The following OSBPL10 variants were observed in gnomAD, a reference collection of about 807,000 sequenced individuals.
The protein encoded by OSBPL10 is oxysterol-binding protein-related protein 10.
OSBPL10 carries 49 observed loss-of-function variants against 81.7 expected under a neutral mutation model. The observed-to-expected ratio is 0.60, with a 90% CI of 0.48 to 0.76. OSBPL10 has a LOEUF of 0.76. Ranked by LOEUF, OSBPL10 falls within the 30% of genes least tolerant of loss-of-function variation. The pLI, the probability that OSBPL10 is intolerant of heterozygous loss-of-function variation, is 0.00. For synonymous variants in OSBPL10, 419 were observed against 383.6 expected (o/e 1.09, Z -1.08); for missense variants, 923 against 987.8 (o/e 0.93, Z 0.88).
rs183656199 is a variant in OSBPL10 at position 31,867,222 on chromosome 3, C to T, written c.537+9211G>A. On this transcript the variant is annotated intron_variant, in intron 3 of 11. Coordinates refer to ENST00000396556, the MANE Select transcript of OSBPL10 (RefSeq NM_017784.5). ...GATGGGAAACCAGGTCATTAGTAAG[C>T]GCCAGGAGAGAGTCAGGCCTGGGGT... Among the ~76,000 whole-genome samples, 15 of 152,204 alleles carry T rather than the reference C, an allele frequency of 9.9e-5. 1 individual carries two copies. The East Asian group carries it at 2.3e-3, about 24-fold the overall frequency.
chr3:31,796,993 A>T (rs1294377604), intron 4 of OSBPL10, among the ~76,000 whole-genome samples: 135 of 123,596 alleles, frequency 1.1e-3, no homozygotes, highest in Admixed American at 1.6e-3. Flanking sequence ...ATTTTTATTA[A>T]TTTTTTTTTT....
chr3:31,859,810 AC>A (rs1388437731), intron 3 of OSBPL10, among the ~76,000 whole-genome samples: 1 of 152,200 alleles, frequency 6.6e-6, no homozygotes, highest in Non-Finnish European at 1.5e-5. Flanking sequence ...CTTGAGGAAT[AC>A]ACAATTCATT....
intron 6 of OSBPL10, among the ~76,000 whole-genome samples, chr3:31,710,005 T>G (rs1332096798): frequency 2.0e-5 from 3 of 152,174 alleles, no homozygotes. Flanking sequence ...CACAGGAAGC[T>G]CATGAGTATT....
rs768794031 is a variant in OSBPL10 at position 31,830,129 on chromosome 3, C to T, written c.640G>A (p.Gly214Ser). The change falls in exon 4 of 12, where the codon GGT (glycine) becomes AGT (serine). Residue 214 changes from glycine (G) to serine (S), a missense_variant. Coordinates refer to ENST00000396556, the MANE Select transcript of OSBPL10 (RefSeq NM_017784.5). ...TTGTGATGCGTGATTGTGACAACAC[C>T]GGGGGCCCCCACACTGAGGTGTCTC... is the stretch of plus-strand genomic sequence containing the variant. ...SQRHLSVGAP[G>S]VVTITHHKSP... 3.7e-6 allele frequency: 6 copies of T among 1,614,076 alleles called. No homozygotes were observed. The highest frequency in any genetic ancestry group is 2.2e-5 in the East Asian group (1 of 44,864).
At chr3:31,856,806 T>G (rs372775287) in intron 3 of OSBPL10, among the ~76,000 whole-genome samples, 96 of 152,328 alleles carry the variant, frequency 6.3e-4, no homozygotes, top group African/African-American at 2.3e-3. Context: ...CCAGACACAG[T>G]GGCTCATGCC....
chr3:31,779,137 G>A (rs889512162), intron 4 of OSBPL10, among the ~76,000 whole-genome samples: 1 of 151,766 alleles, frequency 6.6e-6, no homozygotes, highest in Non-Finnish European at 1.5e-5. Flanking sequence ...ATCTCACAGG[G>A]CCTATAAAAA....
intron 2 of OSBPL10, among the ~76,000 whole-genome samples, chr3:31,878,378 G>T (rs1701532475): frequency 6.6e-6 from 1 of 152,206 alleles, no homozygotes; most frequent in Non-Finnish European, 1.5e-5. Context: ...CGAAGCCAAG[G>T]ACCATATAAA....
intron 1 of OSBPL10, among the ~76,000 whole-genome samples, chr3:31,977,563 T>C (rs964486094): frequency 1.3e-5 from 2 of 152,180 alleles, no homozygotes; most frequent in Non-Finnish European, 2.9e-5. Flanking sequence ...GTTCACTCTG[T>C]ATGAGTGATA....
chr3:31,832,290 T>C (rs1559484112), intron 3 of OSBPL10, among the ~76,000 whole-genome samples: 1 of 152,234 alleles, frequency 6.6e-6, no homozygotes, highest in Non-Finnish European at 1.5e-5. Context: ...AATGAGAGGA[T>C]AGAAACAGTG....
At chr3:31,705,825 C>A (rs1282488452) in intron 6 of OSBPL10, among the ~76,000 whole-genome samples, 1 of 152,110 alleles carries the variant, frequency 6.6e-6, no homozygotes, top group African/African-American at 2.4e-5. Flanking sequence ...TCAAGGTCAT[C>A]AAAAATGGCA....
intron 4 of OSBPL10, among the ~76,000 whole-genome samples, chr3:31,751,627 C>T (rs1575521358): frequency 6.6e-6 from 1 of 152,144 alleles, no homozygotes; most frequent in African/African-American, 2.4e-5. Flanking sequence ...CCTTGAGTAA[C>T]CCTTTGCTAG....
chr3:31,792,037 G>A (rs1699023877), intron 4 of OSBPL10, among the ~76,000 whole-genome samples: 1 of 152,026 alleles, frequency 6.6e-6, no homozygotes. Flanking sequence ...CTTGAGCCCA[G>A]GAGTTTGAGG....
intron 3 of OSBPL10, among the ~76,000 whole-genome samples, chr3:31,854,757 C>T (rs1480173650): frequency 2.0e-5 from 3 of 152,188 alleles, no homozygotes; most frequent in Non-Finnish European, 2.9e-5. Context: ...AAAATAAACA[C>T]ATAAACACAC....
chr3:31,710,888 A>G (rs115869233), intron 6 of OSBPL10: 3,450 of 152,360 alleles, frequency 0.023, 151 homozygotes, highest in African/African-American at 0.077. Context: ...TGGTAAGCAG[A>G]CACCAGGCCT....
At chr3:31,704,304 G>A (rs1259908049) in intron 6 of OSBPL10, 1 of 152,386 alleles carries the variant, frequency 6.6e-6, no homozygotes, top group Non-Finnish European at 1.5e-5. Context: ...CTACGCTACG[G>A]AAGTCAGAGA....
intron 2 of OSBPL10, chr3:31,989,445 T>C (rs1698991945): frequency 6.2e-7 from 1 of 1,613,946 alleles, no homozygotes; most frequent in African/African-American, 1.3e-5. Context: ...ACAAAAGAAA[T>C]AGCCATGAAG....
chr3:31,677,727 G>T (rs1373914575), intron 8 of OSBPL10, among the ~76,000 whole-genome samples: 1 of 152,170 alleles, frequency 6.6e-6, no homozygotes, highest in Non-Finnish European at 1.5e-5. Flanking sequence ...GAGGAGCTAT[G>T]ATCCTGAGAC....
At chr3:31,997,382 A>G (rs1022113458) in intron 2 of OSBPL10, among the ~76,000 whole-genome samples, 3 of 151,638 alleles carry the variant, frequency 2.0e-5, no homozygotes, top group Admixed American at 2.0e-4. Context: ...CTCGTGCCTC[A>G]GCCTCCCAAG....
Position 31,957,460 on chromosome 3 carries a change from C to A in OSBPL10, c.281+23439G>T, listed in dbSNP as rs565616163. Among the ~76,000 whole-genome samples the A allele has an allele frequency of 3.9e-5, 6 of 152,310 alleles. No individual in the cohort carries two copies. In the South Asian group the frequency reaches 1.2e-3, roughly 32 times the overall value. ...TCAAAAATGAGAAAAGACTATGAAGCAGGCAGACCTCTACTCTACTGTGGC... is the reference window on the plus strand; with the variant it reads ...TCAAAAATGAGAAAAGACTATGAAGAAGGCAGACCTCTACTCTACTGTGGC... On this transcript the variant is annotated intron_variant, in intron 1 of 11. Transcript: ENST00000396556.
Sources: allele counts gnomAD v4.1 joint callset (sites outside exome capture counted in the v4.1 genomes callset), GRCh38; gene constraint gnomAD v4.1.1; transcripts MANE v1.5; gene names NCBI Gene and HGNC (gene_info 2026-07-23, HGNC 2026-07-21).